NTRK3: variants seen among roughly 807,000 people sequenced by gnomAD.
NTRK3 encodes NT-3 growth factor receptor.
NTRK3 carries 24 observed loss-of-function variants against 91.7 expected under a neutral mutation model. That is an observed-to-expected ratio of 0.26 (90% CI 0.19 to 0.37). The LOEUF (loss-of-function observed/expected upper bound fraction) is 0.37. NTRK3 is among the 10% of genes least tolerant of loss of function. The pLI is 1.00. For missense variants in NTRK3, 880 were observed against 1,068.9 expected (o/e 0.82, Z 2.46); for synonymous variants, 483 against 404.0 (o/e 1.20, Z -2.34).
Position 88,136,268 on chromosome 15 carries a change from T to C in NTRK3, c.765+199A>G, listed in dbSNP as rs565109523. On this transcript the variant is annotated intron_variant, in intron 8 of 18. Coordinates refer to ENST00000394480, the Ensembl canonical transcript of NTRK3. ...CGGTAGTTCAGTACTATGGCCATTT[T>C]ACAGAAGCAAAACCTAAGTTACAGA... Among the ~76,000 whole-genome samples the C allele has an allele frequency of 1.9e-4, 29 of 152,384 alleles. No homozygotes were observed. In the East Asian group the frequency reaches 5.2e-3, roughly 27 times the overall value.
At chr15:87,981,471 G>A (rs2074263186) in intron 14 of NTRK3, 7 of 1,488,986 alleles carry the variant, frequency 4.7e-6, no homozygotes, top group South Asian at 3.4e-5. Context: ...CAGAAATCCA[G>A]GTTTCTCAGC....
intron 5 of NTRK3, among the ~76,000 whole-genome samples, chr15:88,181,354 C>T (rs557751641): frequency 1.3e-5 from 2 of 152,238 alleles, no homozygotes; most frequent in South Asian, 4.2e-4. Context: ...CCAAAAGAGA[C>T]AGTGGGTCAC....
intron 3 of NTRK3, among the ~76,000 whole-genome samples, chr15:88,212,169 C>A (rs552741720): frequency 6.6e-6 from 1 of 152,230 alleles, no homozygotes; most frequent in East Asian, 1.9e-4. Context: ...GAGATCGAGA[C>A]CATCCTGGCT....
At chr15:87,972,812 C>T (rs2073365569) in intron 14 of NTRK3, among the ~76,000 whole-genome samples, 1 of 152,098 alleles carries the variant, frequency 6.6e-6, no homozygotes, top group Non-Finnish European at 1.5e-5. Flanking sequence ...AATTTGCAAC[C>T]CTGCCGTTTT....
exon 19 of NTRK3, chr15:87,876,920 G>A (rs1270182169): frequency 6.2e-7 from 1 of 1,613,588 alleles, no homozygotes; most frequent in Non-Finnish European, 8.5e-7. Context: ...ATGAATTCAT[G>A]ACCACCAGCC....
At chr15:87,931,255 T>A (rs372057192) in intron 16 of NTRK3, 3 of 517,530 alleles carry the variant, frequency 5.8e-6, no homozygotes, top group South Asian at 4.2e-5. Context: ...AAGGATAGGA[T>A]GTGGTGAAAA....
chr15:88,070,100 T>C (rs960816142), intron 13 of NTRK3, among the ~76,000 whole-genome samples: 41 of 152,148 alleles, frequency 2.7e-4, no homozygotes, highest in Admixed American at 2.0e-4. Context: ...TGATTCAGGG[T>C]TATCAATAGA....
At chr15:87,897,562 G>A (rs1398659930) in intron 17 of NTRK3, among the ~76,000 whole-genome samples, 1 of 151,990 alleles carries the variant, frequency 6.6e-6, no homozygotes, top group African/African-American at 2.4e-5. Context: ...TCAGATCCAT[G>A]GATCACACTA....
intron 13 of NTRK3, among the ~76,000 whole-genome samples, chr15:88,112,990 G>A (rs576341581): frequency 9.2e-5 from 14 of 152,272 alleles, no homozygotes; most frequent in Non-Finnish European, 1.3e-4. Context: ...GTGTGTGCCC[G>A]ATGCCCTGGG....
chr15:88,131,249 T>G (rs562605351), intron 10 of NTRK3, among the ~76,000 whole-genome samples: 1 of 152,290 alleles, frequency 6.6e-6, no homozygotes, highest in Non-Finnish European at 1.5e-5. Flanking sequence ...AAAGTAAAAG[T>G]GTATTCATTC....
At chr15:87,929,250 G>C (rs1309472041) in exon 17 of NTRK3, 1 of 1,614,114 alleles carries the variant, frequency 6.2e-7, no homozygotes, top group South Asian at 1.1e-5. Context: ...ATCTTCACTA[G>C]CAGATTCGCT....
At chr15:88,046,778 A>G (rs1330937752) in intron 13 of NTRK3, among the ~76,000 whole-genome samples, 1 of 152,124 alleles carries the variant, frequency 6.6e-6, no homozygotes, top group African/African-American at 2.4e-5. Context: ...TGGCTCACTC[A>G]TCCCTTTCAC....
chr15:88,097,675 AAGAC>A lies in NTRK3; in HGVS notation c.1396+28592_1396+28595del, dbSNP rs1270230753. Among the ~76,000 whole-genome samples, 7 of 152,386 alleles carry A rather than the reference AAGAC, an allele frequency of 4.6e-5. No homozygotes were observed. In the East Asian group the frequency reaches 5.8e-4, roughly 13 times the overall value. On this transcript the variant is annotated intron_variant, in intron 13 of 18. Coordinates refer to ENST00000394480, the Ensembl canonical transcript of NTRK3. ...TAAACGGGGAATGATTAAATTTAAA[AAGAC>A]AGATTTACTTGGATTGAAAAGCACG...
At chr15:87,903,638 C>G (rs1422571362) in intron 17 of NTRK3, among the ~76,000 whole-genome samples, 1 of 152,188 alleles carries the variant, frequency 6.6e-6, no homozygotes, top group African/African-American at 2.4e-5. Context: ...CAGTTAAGAA[C>G]TCAGAGGACT....
Position 88,060,061 on chromosome 15 carries a change from G to C in NTRK3, c.1397-27016C>G, listed in dbSNP as rs188526292. 6.3e-3 allele frequency among the ~76,000 whole-genome samples: 960 copies of C among 152,226 alleles called. 37 individuals carry two copies. The highest frequency in any genetic ancestry group is 0.058 in the Admixed American group (885 of 15,290). On this transcript the variant is annotated intron_variant, in intron 13 of 18. Coordinates refer to ENST00000394480, the Ensembl canonical transcript of NTRK3. ...AGGTCATGGAAGCCTCCTCACGGAG[G>C]TGACATCTTAGCAGAGGCCTGGTTG...
intron 17 of NTRK3, among the ~76,000 whole-genome samples, chr15:87,915,580 T>C (rs2067389996): frequency 6.6e-6 from 1 of 152,200 alleles, no homozygotes; most frequent in African/African-American, 2.4e-5. Flanking sequence ...AGTGGGTGGC[T>C]TTTTTTATTT....
chr15:87,878,906 GGTGTGTGTGTGTGTGTGTGTGTGT>G (rs34029623), intron 18 of NTRK3, among the ~76,000 whole-genome samples: 2 of 141,950 alleles, frequency 1.4e-5, no homozygotes, highest in Non-Finnish European at 3.1e-5. Context: ...GTGCATGCAT[GGTGTGTGTGTGTGTGTGTGTGTGT>G]GTGTGTGTGT....
intron 14 of NTRK3, among the ~76,000 whole-genome samples, chr15:87,975,466 T>C (rs2073641282): frequency 6.6e-6 from 1 of 152,174 alleles, no homozygotes; most frequent in African/African-American, 2.4e-5. Flanking sequence ...CTGACAAAGC[T>C]ACTGTGAAAT....
chr15:88,072,697 G>A (rs1369076575), intron 13 of NTRK3: 2 of 232,758 alleles, frequency 8.6e-6, no homozygotes, highest in African/African-American at 4.4e-5. Flanking sequence ...TGTACCAAGA[G>A]GGCAGAGGTA....
Sources: allele counts gnomAD v4.1 joint callset (sites outside exome capture counted in the v4.1 genomes callset), GRCh38; gene constraint gnomAD v4.1.1; transcripts MANE v1.5; gene names NCBI Gene and HGNC (gene_info 2026-07-23, HGNC 2026-07-21).